Variants in THOP1 observed in about 807,000 individuals in gnomAD.
The protein encoded by THOP1 is thimet oligopeptidase 1, also known as thimet oligopeptidase.
A neutral mutation model predicts 71.8 loss-of-function variants in THOP1; 49 were observed. The ratio of observed to expected loss-of-function variants is 0.68; its 90% confidence interval spans 0.54 to 0.87. THOP1 has a LOEUF of 0.87. Ranked by LOEUF, THOP1 falls within the 40% of genes least tolerant of loss-of-function variation. THOP1 has a pLI of 0.00. For missense variants in THOP1, 843 were observed against 975.6 expected (o/e 0.86, Z 1.81); for synonymous variants, 426 against 421.5 (o/e 1.01, Z -0.13).
chr19:2,792,501 G>T (rs961190554), intron 2 of THOP1, among the ~76,000 whole-genome samples: 9 of 127,534 alleles, frequency 7.1e-5, no homozygotes, highest in African/African-American at 2.6e-4. Flanking sequence ...TCCTCCAGAC[G>T]TGCGGAGCCT....
In THOP1 at chr19:2,811,685, T is replaced by C. The variant is rs774692358; in HGVS notation, c.1859T>C (p.Met620Thr). 15 of 1,613,464 alleles carry C rather than the reference T, an allele frequency of 9.3e-6. No individual in the cohort carries two copies. Among genetic ancestry groups the C allele is most frequent in the South Asian group, 1.1e-5 (1 of 91,086 alleles). Residue 620 changes from methionine (M) to threonine (T), a missense_variant, in exon 12 of 13, where the codon ATG becomes ACG. Coordinates refer to ENST00000307741, the MANE Select transcript of THOP1 (RefSeq NM_003249.5). ...TACCTGTGGAGCGAGGTGTATTCCA[T>C]GGACATGTTCCACACGCGCTTCAAG... ...YGYLWSEVYS[M>T]DMFHTRFKQE... is the part of the protein sequence containing the mutation.
At chr19:2,812,523 C>T (rs1916504127) in intron 12 of THOP1, among the ~76,000 whole-genome samples, 1 of 152,226 alleles carries the variant, frequency 6.6e-6, no homozygotes, top group Admixed American at 6.5e-5. Flanking sequence ...GCAGCTCCCC[C>T]TGCTGCTGAG....
chr19:2,806,547 G>A (rs1037258612), intron 6 of THOP1: 3 of 296,846 alleles, frequency 1.0e-5, no homozygotes, highest in Non-Finnish European at 1.9e-5. Flanking sequence ...GTGAGGCTGT[G>A]TGCATGTCAT....
At position 2,794,964 on chromosome 19, in the gene THOP1, C is replaced by G. The variant is rs746497026; in HGVS notation, c.378+52C>G. ...ATAGCCTCCCAAGTAACTAGGATTA[C>G]AGGCGCCCGCCACCACACCCGGCTA... On this transcript the variant is annotated intron_variant, in intron 3 of 12. Transcript: ENST00000307741. 7.0e-6 allele frequency: 11 copies of G among 1,575,422 alleles called. 1 individual carries two copies. The African/African-American group carries it at 1.1e-4, about 15-fold the overall frequency.
chr19:2,802,217 C>T (rs540293361), intron 5 of THOP1, among the ~76,000 whole-genome samples: 45 of 151,000 alleles, frequency 3.0e-4, no homozygotes, highest in African/African-American at 1.1e-3. Context: ...CTCCGGACAC[C>T]CCCACCTCCT....
chr19:2,790,936 T>C (rs1915862747), intron 2 of THOP1, among the ~76,000 whole-genome samples: 1 of 152,242 alleles, frequency 6.6e-6, no homozygotes, highest in Non-Finnish European at 1.5e-5. Flanking sequence ...TTGTGTGATC[T>C]GAGAGCCGGA....
intron 11 of THOP1, 77 bp from the exon 12 acceptor site, chr19:2,811,521 C>T: frequency 2.1e-5 from 32 of 1,542,360 alleles, no homozygotes; most frequent in Non-Finnish European, 2.8e-5. Context: ...TCTCAGGAGT[C>T]TGGCTGGTTG....
intron 12 of THOP1, chr19:2,812,248 C>G: frequency 6.5e-7 from 1 of 1,534,368 alleles, no homozygotes; most frequent in South Asian, 1.2e-5. Context: ...CTGTGCCTCC[C>G]GCTGACTTGG....
chr19:2,798,231 A>G (rs1916064644), intron 4 of THOP1, among the ~76,000 whole-genome samples: 1 of 152,040 alleles, frequency 6.6e-6, no homozygotes, highest in Admixed American at 6.5e-5. Flanking sequence ...GGGTTTTACC[A>G]CATTGGCCAG....
At chr19:2,806,209 G>T (rs1296243759) in intron 6 of THOP1, 2 of 152,354 alleles carry the variant, frequency 1.3e-5, no homozygotes, top group Non-Finnish European at 2.9e-5. Flanking sequence ...GCCTTAGAAG[G>T]TCAACTGGGC....
At position 2,805,327 on chromosome 19, in the gene THOP1, G is replaced by A; in HGVS notation, c.750+151G>A. 1.0e-6 allele frequency: 1 copy of A among 978,420 alleles called. No homozygotes were observed. The highest frequency in any genetic ancestry group is 1.7e-5 in the South Asian group (1 of 57,984). The allele number at this position is 978,420 out of a possible 1,614,324, so 60.6% of individuals were successfully genotyped here. The stretch of plus-strand genomic sequence containing the variant: ...CCCAGTGGCCAGCAGAGGCCTCCCT[G>A]TGGGGCTCTGCCGTGCCCTGGAGGT... On this transcript the variant is annotated intron_variant, in intron 6 of 12. Transcript: ENST00000307741. The surrounding 1 kb of genome is among the most constrained non-coding windows in gnomAD (Gnocchi z 6.6).
At chr19:2,789,555 C>G (rs1456195545) in intron 1 of THOP1, among the ~76,000 whole-genome samples, 1 of 152,176 alleles carries the variant, frequency 6.6e-6, no homozygotes, top group Non-Finnish European at 1.5e-5. Flanking sequence ...TGCTTGTTCC[C>G]CCCACTGGGT....
intron 1 of THOP1, among the ~76,000 whole-genome samples, chr19:2,788,079 C>A (rs1238577344): frequency 6.6e-6 from 1 of 152,162 alleles, no homozygotes; most frequent in Non-Finnish European, 1.5e-5. Flanking sequence ...GACAGGAGAG[C>A]ATGGTCTGTA....
In THOP1 at chr19:2,787,615, G is replaced by A. The variant is rs372250206; in HGVS notation, c.16+1937G>A. ...CTGTAAACTGAAAGGTTTGCCTTAA[G>A]TTTACAGCAAAGTCATTTGGCCAGA... On this transcript the variant is annotated intron_variant, in intron 1 of 12. Coordinates refer to ENST00000307741, the MANE Select transcript of THOP1 (RefSeq NM_003249.5). Among the ~76,000 whole-genome samples the A allele has an allele frequency of 4.6e-5, 7 of 152,304 alleles. No homozygotes were observed. In the South Asian group the frequency reaches 8.3e-4, roughly 18 times the overall value.
chr19:2,787,834 T>G (rs1640266), intron 1 of THOP1, among the ~76,000 whole-genome samples: 50,777 of 151,996 alleles, frequency 0.33, 8,806 homozygotes, highest in East Asian at 0.49. Context: ...CACCCTGCAG[T>G]GCCCAGGACA....
At chr19:2,790,368 C>G (rs969440235) in intron 1 of THOP1, 53 bp from the exon 2 acceptor site, 11 of 1,467,356 alleles carry the variant, frequency 7.5e-6, no homozygotes, top group African/African-American at 1.4e-5. Context: ...TGACTTTGAC[C>G]CTAACTGAAC....
rs577163273 is a variant in THOP1, at chr19:2,803,940, G to A, written c.590-1076G>A. ...TTTCCACCCCTACTGCCCTGGGGTC[G>A]GGGTGAGCTCCCAATCATTCTTTCC... On this transcript the variant is annotated intron_variant, in intron 5 of 12. Transcript: ENST00000307741. 2.6e-5 allele frequency among the ~76,000 whole-genome samples: 4 copies of A among 152,018 alleles called. No homozygotes were observed. The South Asian group carries it at 8.3e-4, about 32-fold the overall frequency.
chr19:2,808,959 G>A (rs1380772124), intron 9 of THOP1, among the ~76,000 whole-genome samples: 3 of 152,218 alleles, frequency 2.0e-5, no homozygotes, highest in Admixed American at 1.3e-4. Flanking sequence ...TTGGGAGGCC[G>A]AGGTGGGTAG....
Position 2,805,042 on chromosome 19 carries a change from TC to T in THOP1, c.619del (p.Leu207TrpfsTer9), listed in dbSNP as rs1599528649. 1 of 1,612,438 alleles carries T rather than the reference TC, an allele frequency of 6.2e-7. No individual in the cohort carries two copies. The highest frequency in any genetic ancestry group is 1.3e-5 in the African/African-American group (1 of 74,888). On this transcript the variant is annotated frameshift_variant, in exon 6 of 13. Transcript: ENST00000307741. LOFTEE classifies it high-confidence loss of function. This position sits in a 1 kb window ranked among gnomAD's most constrained non-coding sequence, Gnocchi z 6.6. Reference sequence around the variant, plus strand: ...AGGGCTCCCCGAGGACTTTCTGAACTCCCTGGAGAAGATGGAGGACGGCAAG... The same window carrying T: ...AGGGCTCCCCGAGGACTTTCTGAACTCCTGGAGAAGATGGAGGACGGCAAG... ...LGGLPEDFLN[S>X]LEKMEDGKLK... is the part of the protein sequence containing the mutation.
Sources: gnomAD v4.1 joint callset for allele counts (sites outside exome capture counted in the v4.1 genomes callset) on GRCh38, gnomAD v4.1.1 for gene constraint, Gnocchi (gnomAD v3.1) non-coding constraint, MANE v1.5 for transcripts, NCBI Gene and HGNC (gene_info 2026-07-23, HGNC 2026-07-21) for gene names.